The following GABBR2 variants were observed in gnomAD, a reference collection of about 807,000 sequenced individuals.
The protein encoded by GABBR2 is G-protein coupled receptor 51.
Under a neutral mutation model 105.6 loss-of-function variants are expected in GABBR2, and 23 were observed. The observed-to-expected ratio is 0.22, with a 90% confidence interval of 0.16 to 0.31. GABBR2 has a LOEUF of 0.31. Among genes scored for constraint, GABBR2 ranks in the 10% least tolerant of loss-of-function variants. The probability of loss-of-function intolerance (pLI) is 1.00; values close to 1 mark genes in which losing one functional copy is unlikely to be tolerated. For synonymous variants in GABBR2, 478 were observed against 499.7 expected, an observed-to-expected ratio of 0.96 and a Z score of 0.58; for missense variants, 734 against 1,245.5, an observed-to-expected ratio of 0.59 and a Z score of 6.18.
chr9:98,616,184 G>T (rs1167689607), intron 1 of GABBR2, among the ~76,000 whole-genome samples: 1 of 152,218 alleles, frequency 6.6e-6, no homozygotes, highest in Non-Finnish European at 1.5e-5. Context: ...AAGATACAGG[G>T]TATGGGGTGT....
At chr9:98,665,087 TG>T (rs1830315857) in intron 1 of GABBR2, among the ~76,000 whole-genome samples, 1 of 152,076 alleles carries the variant, frequency 6.6e-6, no homozygotes, top group Non-Finnish European at 1.5e-5. Flanking sequence ...GGCAACAGAA[TG>T]AGACTCTGTT....
intron 7 of GABBR2, among the ~76,000 whole-genome samples, chr9:98,422,015 C>G (rs1832790281): frequency 6.6e-6 from 1 of 152,070 alleles, no homozygotes; most frequent in Non-Finnish European, 1.5e-5. Context: ...CAAAGGACAT[C>G]CTGGACAAAC....
intron 8 of GABBR2, among the ~76,000 whole-genome samples, chr9:98,395,586 A>T (rs1832274013): frequency 6.6e-6 from 1 of 152,142 alleles, no homozygotes; most frequent in Non-Finnish European, 1.5e-5. Flanking sequence ...AGGGGTGACC[A>T]GGATGCAGGA....
intron 1 of GABBR2, among the ~76,000 whole-genome samples, chr9:98,636,457 G>A (rs1829877479): frequency 1.4e-5 from 2 of 147,848 alleles, no homozygotes; most frequent in South Asian, 4.4e-4. Flanking sequence ...GATTGACACA[G>A]ACATTGCATT....
At chr9:98,358,120 C>T (rs1831519874) in intron 13 of GABBR2, among the ~76,000 whole-genome samples, 1 of 152,150 alleles carries the variant, frequency 6.6e-6, no homozygotes, top group South Asian at 2.1e-4. Flanking sequence ...TCCTGTGGGC[C>T]ATTTAGGATG....
At chr9:98,545,266 C>T (rs1257690978) in intron 2 of GABBR2, among the ~76,000 whole-genome samples, 2 of 152,126 alleles carry the variant, frequency 1.3e-5, no homozygotes, top group Non-Finnish European at 2.9e-5. Context: ...ACAATATGTG[C>T]CCCGGGTCTA....
At chr9:98,333,871 G>T (rs1225643825) in intron 13 of GABBR2, among the ~76,000 whole-genome samples, 1 of 152,196 alleles carries the variant, frequency 6.6e-6, no homozygotes, top group Non-Finnish European at 1.5e-5. Context: ...CCAGCTGTGT[G>T]ACCATGGGCA....
intron 7 of GABBR2, among the ~76,000 whole-genome samples, chr9:98,419,526 G>A (rs1218895951): frequency 6.6e-6 from 1 of 152,192 alleles, no homozygotes; most frequent in African/African-American, 2.4e-5. Context: ...GGACCTGGGA[G>A]GAGCGGAAGA....
intron 4 of GABBR2, among the ~76,000 whole-genome samples, chr9:98,486,932 C>T (rs986884244): frequency 6.6e-6 from 1 of 152,046 alleles, no homozygotes; most frequent in Non-Finnish European, 1.5e-5. Context: ...TTAGACCCCA[C>T]CCCCCACTGG....
At chr9:98,645,292 G>T (rs964504258) in intron 1 of GABBR2, among the ~76,000 whole-genome samples, 2 of 152,234 alleles carry the variant, frequency 1.3e-5, no homozygotes, top group Non-Finnish European at 2.9e-5. Context: ...AGCACAATTT[G>T]TCAGAGCTGG....
intron 3 of GABBR2, among the ~76,000 whole-genome samples, chr9:98,498,112 C>T (rs951729982): frequency 1.9e-4 from 29 of 151,896 alleles, no homozygotes; most frequent in African/African-American, 6.8e-4. Context: ...CATCATGCTA[C>T]ATGAAATAAG....
Position 98,708,607 on chromosome 9 carries a change from C to T in GABBR2, c.131G>A (p.Arg44Gln), listed in dbSNP as rs765018232. The change falls in exon 1 of 19, where the codon CGG becomes CAG. Residue 44 changes from arginine (R) to glutamine (Q), a missense_variant. Physicochemically the swap from Arg to Gln is conservative, Grantham distance 43. Around this residue, in one of 7 missense-constraint regions of GABBR2, gnomAD observed 70 missense variants for 73.4 expected, o/e 0.95. Transcript: ENST00000259455. Reference protein sequence around the residue: ...PLAPGAWGWARGAPRPPPSSP... With the variant: ...PLAPGAWGWAQGAPRPPPSSP... ...GCTGGGCGGCGGCCGGGGGGCGCCC[C>T]GCGCCCAGCCCCAGGCCCCGGGCGC... 69 of 1,399,384 alleles carry T rather than the reference C, an allele frequency of 4.9e-5. No homozygotes were observed. The highest frequency in any genetic ancestry group is 6.0e-5 in the Non-Finnish European group (64 of 1,073,620). 86.7% of individuals were successfully genotyped at this position (1,399,384 alleles called of 1,614,324 possible). A position where few individuals can be genotyped will look rare whatever the true frequency, so the allele number is the denominator to read the frequency against.
intron 1 of GABBR2, among the ~76,000 whole-genome samples, chr9:98,662,026 C>A (rs1034920731): frequency 2.0e-5 from 3 of 152,200 alleles, no homozygotes; most frequent in African/African-American, 7.2e-5. Flanking sequence ...TCAACTCTTC[C>A]CCCTTCCAGT....
At chr9:98,613,537 C>T (rs959302771) in intron 1 of GABBR2, among the ~76,000 whole-genome samples, 14 of 151,982 alleles carry the variant, frequency 9.2e-5, no homozygotes, top group South Asian at 4.2e-4. Flanking sequence ...ATGATAAAAG[C>T]GAGAGGAAGC....
intron 3 of GABBR2, among the ~76,000 whole-genome samples, chr9:98,526,824 A>G (rs117705125): frequency 0.014 from 2,081 of 152,266 alleles, 22 homozygotes; most frequent in Non-Finnish European, 0.022. Context: ...ATCAATACAA[A>G]TTCTAAAAAG....
chr9:98,300,379 G>A (rs1171216261), intron 16 of GABBR2, among the ~76,000 whole-genome samples: 8 of 151,634 alleles, frequency 5.3e-5, no homozygotes, highest in African/African-American at 1.7e-4. Context: ...TCCTGGGCTC[G>A]AGCGATCCTC....
At chr9:98,585,640 A>G (rs1173476252) in intron 1 of GABBR2, among the ~76,000 whole-genome samples, 1 of 152,094 alleles carries the variant, frequency 6.6e-6, no homozygotes, top group Admixed American at 6.5e-5. Context: ...TTAAAGTATA[A>G]TAATAATAAA....
chr9:98,307,664 C>T (rs1472156795), intron 14 of GABBR2, among the ~76,000 whole-genome samples: 1 of 152,062 alleles, frequency 6.6e-6, no homozygotes, highest in African/African-American at 2.4e-5. Flanking sequence ...GGGCAAGTCA[C>T]TTCACCTCTC....
chr9:98,638,925 T>C (rs1401539657), intron 1 of GABBR2, among the ~76,000 whole-genome samples: 1 of 152,238 alleles, frequency 6.6e-6, no homozygotes, highest in Non-Finnish European at 1.5e-5. Context: ...TTAGGAGGTA[T>C]ATAAGCTCTG....
Sources: gnomAD v4.1 joint callset for allele counts (sites outside exome capture counted in the v4.1 genomes callset) on GRCh38, gnomAD v4.1.1 for gene constraint, gnomAD v4.1.1 regional missense constraint, MANE v1.5 for transcripts, NCBI Gene and HGNC (gene_info 2026-07-23, HGNC 2026-07-21) for gene names.